DISP1: variants seen among roughly 807,000 people sequenced by gnomAD.
DISP1 encodes the protein protein dispatched homolog 1.
A neutral mutation model predicts 37.3 loss-of-function variants in DISP1; 30 were observed. That is an observed-to-expected ratio of 0.80 (90% CI 0.60 to 1.09). The LOEUF is 1.09. DISP1 is among the 50% of genes least tolerant of loss of function. DISP1 has a pLI of 0.00. For missense variants in DISP1, 1,598 were observed against 1,879.5 expected, an observed-to-expected ratio of 0.85 and a Z score of 2.77; for synonymous variants, 634 against 690.2, an observed-to-expected ratio of 0.92 and a Z score of 1.28.
chr1:222,862,863 G>T (rs933915730), intron 1 of DISP1, among the ~76,000 whole-genome samples: 1 of 151,948 alleles, frequency 6.6e-6, no homozygotes, highest in African/African-American at 2.4e-5. Context: ...TTTTTTTTCT[G>T]TCTGGTACCC....
chr1:222,847,627 T>A (rs1040881127), intron 1 of DISP1, among the ~76,000 whole-genome samples: 2 of 152,198 alleles, frequency 1.3e-5, no homozygotes, highest in Non-Finnish European at 2.9e-5. Context: ...CTTTTCCCTT[T>A]CCTTGTTTGC....
rs371761723 is a variant in DISP1 at position 222,971,671 on chromosome 1, T to C, written c.510-11409T>C. Among the ~76,000 whole-genome samples, 331 of 152,286 alleles carry C rather than the reference T, an allele frequency of 2.2e-3. 2 individuals carry two copies. Among genetic ancestry groups the C allele is most frequent in the African/African-American group, 7.4e-3 (306 of 41,590 alleles). ...TGAATTATGATTGTATTTATACTTT[T>C]GATCTGTGGTCTCATTGATGAAGGC... On this transcript the variant is annotated intron_variant, in intron 3 of 8. Transcript: ENST00000675850.
chr1:223,001,122 A>G (rs1050880301), intron 8 of DISP1, among the ~76,000 whole-genome samples: 1 of 152,156 alleles, frequency 6.6e-6, no homozygotes, highest in Non-Finnish European at 1.5e-5. Context: ...AATCTAGCAA[A>G]CCAGTGATGG....
intron 1 of DISP1, among the ~76,000 whole-genome samples, chr1:222,873,234 A>G (rs1400733121): frequency 6.6e-6 from 1 of 152,172 alleles, no homozygotes; most frequent in African/African-American, 2.4e-5. Context: ...GTGGTGCTGA[A>G]AAGAATGTAT....
intron 1 of DISP1, among the ~76,000 whole-genome samples, chr1:222,926,563 G>T (rs1010751160): frequency 4.6e-5 from 7 of 152,126 alleles, no homozygotes; most frequent in African/African-American, 1.7e-4. Flanking sequence ...TTCATCAGTT[G>T]ATCAATATAT....
At chr1:222,983,333 T>A (rs1407315901) in intron 4 of DISP1, among the ~76,000 whole-genome samples, 3 of 152,174 alleles carry the variant, frequency 2.0e-5, no homozygotes, top group Admixed American at 2.0e-4. Context: ...TATTTGTGTC[T>A]AGGGCTAGGT....
intron 1 of DISP1, among the ~76,000 whole-genome samples, chr1:222,851,286 G>A (rs1668218065): frequency 6.6e-6 from 1 of 151,984 alleles, no homozygotes; most frequent in Non-Finnish European, 1.5e-5. Context: ...GGCTGGTCTT[G>A]AACTCCTGAA....
intron 1 of DISP1, among the ~76,000 whole-genome samples, chr1:222,885,469 CTTTTTTT>C (rs759594613): frequency 3.8e-5 from 5 of 132,862 alleles, no homozygotes; most frequent in African/African-American, 1.4e-4. Context: ...GATTTCTTTT[CTTTTTTT>C]TTTTTTTTTT....
At chr1:222,904,111 A>G (rs1227183570) in intron 1 of DISP1, among the ~76,000 whole-genome samples, 1 of 152,214 alleles carries the variant, frequency 6.6e-6, no homozygotes, top group East Asian at 1.9e-4. Context: ...TGAAGCTAGT[A>G]AGTTATTGGA....
At chr1:223,002,352 C>T in intron 8 of DISP1, 33 bp from the exon 9 acceptor site, 1 of 1,592,592 alleles carries the variant, frequency 6.3e-7, no homozygotes, top group Non-Finnish European at 8.6e-7. Flanking sequence ...CCAATTTAAA[C>T]TGTAGTCCTT....
At chr1:222,922,644 A>C (rs114245335) in intron 1 of DISP1, among the ~76,000 whole-genome samples, 1,783 of 152,262 alleles carry the variant, frequency 0.012, 30 homozygotes, top group African/African-American at 0.041. Context: ...TTGTATTTTA[A>C]ATTGAGTTTG....
chr1:222,829,395 G>A (rs972951354), intron 1 of DISP1, among the ~76,000 whole-genome samples: 3 of 150,460 alleles, frequency 2.0e-5, no homozygotes, highest in African/African-American at 2.4e-5. Context: ...TTCTTAAAAC[G>A]TATCAGTTTT....
intron 3 of DISP1, among the ~76,000 whole-genome samples, chr1:222,956,078 G>T (rs938575958): frequency 1.3e-5 from 2 of 152,158 alleles, no homozygotes; most frequent in African/African-American, 4.8e-5. Flanking sequence ...AGCAAGGATG[G>T]ACAGTTAGTA....
intron 1 of DISP1, among the ~76,000 whole-genome samples, chr1:222,868,827 C>T (rs979364097): frequency 3.9e-5 from 6 of 151,944 alleles, no homozygotes; most frequent in African/African-American, 1.4e-4. Flanking sequence ...TTTCAATCGC[C>T]TATATTCTTG....
intron 1 of DISP1, chr1:222,823,884 GA>G (rs1305263654): frequency 6.7e-6 from 1 of 148,994 alleles, no homozygotes; most frequent in Non-Finnish European, 1.5e-5. Flanking sequence ...TTCCCTATAG[GA>G]GTTGAGAAGA....
chr1:222,918,305 C>T (rs1447954954), intron 1 of DISP1, among the ~76,000 whole-genome samples: 1 of 152,126 alleles, frequency 6.6e-6, no homozygotes, highest in Non-Finnish European at 1.5e-5. Flanking sequence ...ACTAAGATTC[C>T]CACTGGTATT....
At chr1:222,945,154 A>G (rs916354277) in intron 3 of DISP1, among the ~76,000 whole-genome samples, 2 of 152,260 alleles carry the variant, frequency 1.3e-5, no homozygotes, top group African/African-American at 4.8e-5. Context: ...GTAATAAAGC[A>G]GAAAGAAAGA....
chr1:223,005,582 C>T lies in DISP1; in HGVS notation c.4185C>T (p.Val1395=), dbSNP rs773424337. The T allele has an allele frequency of 1.9e-6, 3 of 1,614,128 alleles. No individual in the cohort carries two copies. Among genetic ancestry groups the T allele is most frequent in the East Asian group, 2.2e-5 (1 of 44,878 alleles). The change falls in exon 9 of 9, where the codon GTC becomes GTT. Residue 1395 remains valine (V), a synonymous_variant. Transcript: ENST00000675850. ...LPKMAEPSSF[V]CRSTGSLLKT... ...AGATGGCAGAGCCATCGTCATTTGT[C>T]TGCAGAAGCACTGGATCGTTACTCA...
chr1:222,858,133 C>A (rs769395047), intron 1 of DISP1, among the ~76,000 whole-genome samples: 90 of 152,126 alleles, frequency 5.9e-4, no homozygotes, highest in Non-Finnish European at 1.2e-3. Flanking sequence ...AATAAGACTA[C>A]ACATCTACAA....
Sources: gnomAD v4.1 joint callset for allele counts (sites outside exome capture counted in the v4.1 genomes callset) on GRCh38, gnomAD v4.1.1 for gene constraint, MANE v1.5 for transcripts, NCBI Gene and HGNC (gene_info 2026-07-23, HGNC 2026-07-21) for gene names.